The following NOTCH2 variants were observed in gnomAD, a reference collection of about 807,000 sequenced individuals.
NOTCH2 encodes the protein neurogenic locus notch homolog protein 2.
A neutral mutation model predicts 235.8 loss-of-function variants in NOTCH2; 29 were observed. The observed-to-expected ratio is 0.12, with a 90% CI of 0.09 to 0.17. The LOEUF is 0.17. NOTCH2 is among the 10% of genes least tolerant of loss of function. The pLI is 1.00. For synonymous variants in NOTCH2, 1,086 were observed against 1,141.5 expected, an observed-to-expected ratio of 0.95 and a Z score of 0.98; for missense variants, 2,285 against 3,150.2, an observed-to-expected ratio of 0.73 and a Z score of 6.57.
chr1:120,042,119 C>A (rs1553212953), intron 1 of NOTCH2, among the ~76,000 whole-genome samples: 1 of 99,156 alleles, frequency 1.0e-5, no homozygotes, highest in African/African-American at 5.3e-5. Flanking sequence ...TGGAGCTAGG[C>A]AACACCTAAG....
chr1:119,915,498 G>A lies in NOTCH2; in HGVS notation c.7224C>T (p.Leu2408=), dbSNP rs147795348. Reference sequence around the variant, plus strand: ...GTGTCAGGTAGGGATGCTCACCCTGGAGGTGACCACTGTGACTGGGTGTTC... The same window carrying A: ...GTGTCAGGTAGGGATGCTCACCCTGAAGGTGACCACTGTGACTGGGTGTTC... ...AERTPSHSGH[L]QGEHPYLTPS... The change falls in exon 34 of 34, where the codon CTC becomes CTT. Residue 2408 remains leucine (L), a synonymous_variant. Transcript: ENST00000256646. The A allele has an allele frequency of 3.1e-6, 5 of 1,613,976 alleles. No individual in the cohort carries two copies. The highest frequency in any genetic ancestry group is 2.7e-5 in the African/African-American group (2 of 74,944).
rs1016437727 is a variant in NOTCH2 at position 119,915,601 on chromosome 1, T to A, written c.7121A>T (p.His2374Leu). Reference sequence around the variant, plus strand: ...CTTGCCCACAGAGGCTGGGAAAGGATGATAGGCTGGGAGAATGGTCTGAGC... The same window carrying A: ...CTTGCCCACAGAGGCTGGGAAAGGAAGATAGGCTGGGAGAATGGTCTGAGC... ...QVAQTILPAY[H>L]PFPASVGKYP... The change falls in exon 34 of 34, where the codon CAT (histidine) becomes CTT (leucine). Residue 2374 changes from histidine to leucine, a missense_variant. By Grantham distance (99) the His-to-Leu change is moderately conservative (BLOSUM62 -3). Around this residue, in one of 6 missense-constraint regions of NOTCH2, gnomAD observed 504 missense variants for 538.0 expected, o/e 0.94. Transcript: ENST00000256646. 3 of 1,613,880 alleles carry A rather than the reference T, an allele frequency of 1.9e-6. No individual in the cohort carries two copies. Among genetic ancestry groups the A allele is most frequent in the African/African-American group, 2.7e-5 (2 of 74,912 alleles).
intron 12 of NOTCH2, 58 bp downstream of exon 12, chr1:119,959,334 G>A (rs782782810): frequency 4.4e-6 from 4 of 904,502 alleles, no homozygotes; most frequent in Non-Finnish European, 7.5e-6. Context: ...TCCTTTGGAT[G>A]CTATATTCCC....
Position 119,918,439 on chromosome 1 carries a change from A to C in NOTCH2, c.5896T>G (p.Cys1966Gly). The C allele has an allele frequency of 6.2e-7, 1 of 1,614,166 alleles. No individual in the cohort carries two copies. Among genetic ancestry groups the C allele is most frequent in the South Asian group, 1.1e-5 (1 of 91,080 alleles). Reference sequence around the variant, plus strand: ...TCCACTGCATTCACATCCGCTTGGCAGTTGATCAGTTCTGCCACCATTCCC... The same window carrying C: ...TCCACTGCATTCACATCCGCTTGGCCGTTGATCAGTTCTGCCACCATTCCC... ...VEGMVAELINCQADVNAVDDH... is the reference protein window; with the variant it reads ...VEGMVAELINGQADVNAVDDH... Residue 1966 changes from cysteine (C) to glycine (G), a missense_variant, in exon 32 of 34, where the codon TGC becomes GGC. Around this residue, in one of 6 missense-constraint regions of NOTCH2, gnomAD observed 128 missense variants for 255.9 expected, o/e 0.50. Coordinates refer to ENST00000256646, the MANE Select transcript of NOTCH2 (RefSeq NM_024408.4).
rs1007491506 is a variant in NOTCH2, at chr1:119,911,992, C to T, written c.*3314G>A. ...AATTTGCTCTCTCAGCAAATTATGA[C>T]ATCATGAGGTAACACTGCCAGGCCA... On this transcript the variant is annotated 3_prime_UTR_variant, in exon 34 of 34. Transcript: ENST00000256646. 5 of 233,394 alleles carry T rather than the reference C, an allele frequency of 2.1e-5. No homozygotes were observed. The highest frequency in any genetic ancestry group is 3.4e-5 in the Non-Finnish European group (4 of 118,060). 14.5% of individuals were successfully genotyped at this position (233,394 alleles called of 1,614,324 possible).
chr1:119,965,031 C>T (rs1168135726), intron 10 of NOTCH2, among the ~76,000 whole-genome samples: 1 of 152,198 alleles, frequency 6.6e-6, no homozygotes, highest in African/African-American at 2.4e-5. Context: ...GCAGAATACC[C>T]CTGCACTTGT....
chr1:119,940,824 T>C (rs1234194490), intron 18 of NOTCH2, 68 bp from the exon 19 acceptor site: 1 of 1,380,002 alleles, frequency 7.2e-7, no homozygotes, highest in Non-Finnish European at 1.0e-6. Context: ...CAAAGTAAGA[T>C]TTCTGGAATC....
rs1405174818 is a variant in NOTCH2 at position 119,996,179 on chromosome 1, T to A, written c.751+818A>T. 6.3e-5 allele frequency: 10 copies of A among 158,284 alleles called. No homozygotes were observed. In the East Asian group the frequency reaches 1.5e-3, roughly 24 times the overall value. 9.8% of individuals were successfully genotyped at this position (158,284 alleles called of 1,614,324 possible). On this transcript the variant is annotated intron_variant, in intron 4 of 33. Transcript: ENST00000256646. ...GTTTTCAGCCTCCTCATCATTTTTA[T>A]AAGGAGTTGAATGAATTGGCCAGGC...
chr1:120,038,791 A>T (rs1654420678), intron 1 of NOTCH2, among the ~76,000 whole-genome samples: 1 of 150,216 alleles, frequency 6.7e-6, no homozygotes, highest in Non-Finnish European at 1.5e-5. Flanking sequence ...TGAAAAGTTG[A>T]GAAAGTAGAA....
intron 17 of NOTCH2, among the ~76,000 whole-genome samples, chr1:119,947,185 G>C (rs1302407845): frequency 6.6e-6 from 1 of 152,086 alleles, no homozygotes; most frequent in Non-Finnish European, 1.5e-5. Flanking sequence ...TGCATACACT[G>C]AATTTCATCA....
At chr1:119,922,112 G>C in intron 28 of NOTCH2, 124 bp downstream of exon 28, 1 of 1,105,792 alleles carries the variant, frequency 9.0e-7, no homozygotes, top group Admixed American at 2.0e-5. Flanking sequence ...AAGGCATTTA[G>C]AATCATGGTC....
intron 17 of NOTCH2, among the ~76,000 whole-genome samples, chr1:119,946,712 T>A (rs74117568): frequency 0.051 from 7,688 of 152,084 alleles, 309 homozygotes; most frequent in South Asian, 0.11. Context: ...ATAGGTAACA[T>A]CTCACTTAAT....
In NOTCH2 at chr1:119,916,759, C is replaced by T. The variant is rs1319833905; in HGVS notation, c.6028-65G>A. On this transcript the variant is annotated intron_variant, in intron 33 of 33. Transcript: ENST00000256646. The stretch of plus-strand genomic sequence containing the variant: ...CTCTTGAGAATATAGCAGTTTTTCT[C>T]AATCTTTTTTATTATCACCCCCTTA... The T allele has an allele frequency of 1.4e-5, 21 of 1,532,624 alleles. No homozygotes were observed. In the East Asian group the frequency reaches 4.8e-4, roughly 35 times the overall value. 94.9% of individuals were successfully genotyped at this position (1,532,624 alleles called of 1,614,324 possible). A position where few individuals can be genotyped will look rare whatever the true frequency, so the allele number is the denominator to read the frequency against.
chr1:119,975,894 A>G (rs1208562174), intron 5 of NOTCH2, among the ~76,000 whole-genome samples: 1 of 152,160 alleles, frequency 6.6e-6, no homozygotes, highest in Non-Finnish European at 1.5e-5. Context: ...ATTTGGAGCT[A>G]CAAGTGATGG....
At chr1:119,935,788 G>T (rs1202399161) in intron 21 of NOTCH2, among the ~76,000 whole-genome samples, 184 bp from the exon 22 acceptor site, 2 of 152,194 alleles carry the variant, frequency 1.3e-5, no homozygotes, top group Non-Finnish European at 2.9e-5. Flanking sequence ...AAAACCTGCA[G>T]CTTACTGGCA....
chr1:119,943,453 G>A (rs1227876151), intron 17 of NOTCH2, among the ~76,000 whole-genome samples: 5 of 152,150 alleles, frequency 3.3e-5, no homozygotes, highest in African/African-American at 1.2e-4. Flanking sequence ...AGTAAGTAGA[G>A]TCCTGAGGGA....
At chr1:119,927,251 C>T (rs1460035161) in intron 23 of NOTCH2, among the ~76,000 whole-genome samples, 1 of 152,228 alleles carries the variant, frequency 6.6e-6, no homozygotes, top group Non-Finnish European at 1.5e-5. Context: ...CAGGGCACAG[C>T]TGGGACTCCT....
At chr1:119,950,269 C>T (rs1650420100) in intron 15 of NOTCH2, 1 of 357,324 alleles carries the variant, frequency 2.8e-6, no homozygotes, top group South Asian at 2.2e-5. Flanking sequence ...TCAGCCTCCT[C>T]ATGTGTAAAA....
At chr1:119,968,584 T>C (rs2101146419) in intron 6 of NOTCH2, among the ~76,000 whole-genome samples, 1 of 152,362 alleles carries the variant, frequency 6.6e-6, no homozygotes, top group African/African-American at 2.4e-5. Flanking sequence ...AGTTGAATTT[T>C]AGATAAACAA....
Sources: allele counts gnomAD v4.1 joint callset (sites outside exome capture counted in the v4.1 genomes callset), GRCh38; gene constraint gnomAD v4.1.1; regional missense constraint gnomAD v4.1.1; transcripts MANE v1.5; gene names NCBI Gene and HGNC (gene_info 2026-07-23, HGNC 2026-07-21).